Variants in HK1 observed in about 807,000 individuals in gnomAD.
HK1 encodes hexokinase 1.
In HK1, 28 loss-of-function variants were observed where a neutral mutation model predicts 91.6. The ratio of observed to expected loss-of-function variants is 0.31; its 90% CI spans 0.23 to 0.42. HK1 has a LOEUF of 0.42. HK1 is among the 10% of genes least tolerant of loss of function. HK1 has a pLI of 1.00. For missense variants in HK1, 770 were observed against 1,219.8 expected (o/e 0.63, Z 5.49); for synonymous variants, 430 against 468.1 (o/e 0.92, Z 1.05).
At position 69,361,966 on chromosome 10, in the gene HK1, C is replaced by T. The variant is rs138643157; in HGVS notation, c.375+1921C>T. On this transcript the variant is annotated intron_variant, in intron 3 of 17. Coordinates refer to ENST00000359426, the MANE Select transcript of HK1 (RefSeq NM_000188.3). ...CCAAATAGCTGGAATTACAGGCATG[C>T]GCCACCACACCTGACTAATTTTGTA... is the stretch of plus-strand genomic sequence containing the variant. 5.3e-3 allele frequency among the ~76,000 whole-genome samples: 804 copies of T among 152,214 alleles called. 10 individuals are homozygous for T. Among genetic ancestry groups the T allele is most frequent in the African/African-American group, 0.018 (763 of 41,544 alleles).
chr10:69,279,237 C>T (rs980583769), intron 1 of HK1, among the ~76,000 whole-genome samples: 7 of 152,168 alleles, frequency 4.6e-5, no homozygotes, highest in Non-Finnish European at 8.8e-5. Context: ...CTGTCTCTTT[C>T]TAAAATGGGC....
At chr10:69,347,576 C>T (rs72807710) in intron 2 of HK1, among the ~76,000 whole-genome samples, 26,100 of 151,566 alleles carry the variant, frequency 0.17, 2,528 homozygotes, top group African/African-American at 0.24. Context: ...GCTGGGATTA[C>T]AAGTGCGCAC....
intron 9 of HK1, among the ~76,000 whole-genome samples, chr10:69,381,714 CA>C (rs1447752232): frequency 6.6e-6 from 1 of 152,052 alleles, no homozygotes; most frequent in Non-Finnish European, 1.5e-5. Context: ...CCACCATACC[CA>C]GCTAATTTTT....
intron 4 of HK1, among the ~76,000 whole-genome samples, chr10:69,299,596 A>G (rs1244926885): frequency 6.6e-6 from 1 of 150,772 alleles, no homozygotes; most frequent in Non-Finnish European, 1.5e-5. Flanking sequence ...CGAACTCCTG[A>G]CCTCGTGATT....
At chr10:69,289,427 T>C (rs969957602) in intron 3 of HK1, among the ~76,000 whole-genome samples, 6 of 151,008 alleles carry the variant, frequency 4.0e-5, no homozygotes, top group African/African-American at 1.5e-4. Flanking sequence ...TATATTGCCA[T>C]GTAAAAATGG....
At chr10:69,304,453 G>A (rs1268706565) in intron 5 of HK1, among the ~76,000 whole-genome samples, 3 of 151,942 alleles carry the variant, frequency 2.0e-5, no homozygotes, top group South Asian at 2.1e-4. Context: ...GATTACTGGC[G>A]CCCGCCACCA....
At chr10:69,285,816 T>C (rs1845002828) in intron 2 of HK1, among the ~76,000 whole-genome samples, 1 of 152,228 alleles carries the variant, frequency 6.6e-6, no homozygotes, top group Non-Finnish European at 1.5e-5. Flanking sequence ...ACATGACCTC[T>C]AGACCAAACA....
chr10:69,386,435 T>A lies in HK1; in HGVS notation c.1935+17T>A, dbSNP rs1554824391. On this transcript the variant is annotated intron_variant, in intron 13 of 17. Coordinates refer to ENST00000359426, the MANE Select transcript of HK1 (RefSeq NM_000188.3). ...AGGAGAGAGGTAACTATTAAAAGAA[T>A]GTTTTTTAAAATCTTTACTGTTTTA... The A allele has an allele frequency of 1.9e-6, 3 of 1,579,812 alleles. No individual in the cohort carries two copies. In the South Asian group the frequency reaches 3.3e-5, roughly 18 times the overall value.
At chr10:69,287,774 T>TA (rs1845098683) in intron 2 of HK1, among the ~76,000 whole-genome samples, 1 of 152,122 alleles carries the variant, frequency 6.6e-6, no homozygotes, top group African/African-American at 2.4e-5. Context: ...GCTCATTTTT[T>TA]AAAAAATCAC....
chr10:69,319,884 A>T (rs1846904804), intron 1 of HK1, among the ~76,000 whole-genome samples: 1 of 152,154 alleles, frequency 6.6e-6, no homozygotes, highest in Non-Finnish European at 1.5e-5. Context: ...AGCTGTAGGG[A>T]AAGACGCCCG....
chr10:69,286,127 G>C (rs1258490110), intron 2 of HK1, among the ~76,000 whole-genome samples: 4 of 152,200 alleles, frequency 2.6e-5, no homozygotes, highest in Non-Finnish European at 5.9e-5. Context: ...AGGCAAAAAT[G>C]TGTGTGGAAT....
chr10:69,378,807 G>A (rs1411061328), intron 8 of HK1, among the ~76,000 whole-genome samples: 1 of 152,158 alleles, frequency 6.6e-6, no homozygotes, highest in Admixed American at 6.5e-5. Context: ...AATTGGGAAA[G>A]TCCCACACTC....
intron 1 of HK1, among the ~76,000 whole-genome samples, chr10:69,272,654 GTTT>G (rs10716029): frequency 2.0e-5 from 3 of 146,810 alleles, no homozygotes; most frequent in Admixed American, 6.8e-5. Flanking sequence ...TTTTCTGCAA[GTTT>G]TTTTTTTTTT....
chr10:69,389,824 G>A (rs1219206712), intron 14 of HK1, among the ~76,000 whole-genome samples: 2 of 152,322 alleles, frequency 1.3e-5, no homozygotes, highest in East Asian at 3.9e-4. Flanking sequence ...GCCACTGAAG[G>A]GGGTTGCAGA....
At chr10:69,354,773 G>A (rs182254089) in intron 2 of HK1, among the ~76,000 whole-genome samples, 3 of 152,276 alleles carry the variant, frequency 2.0e-5, no homozygotes, top group South Asian at 2.1e-4. Flanking sequence ...ACTTGAGAAC[G>A]AAGATAGGAA....
intron 1 of HK1, among the ~76,000 whole-genome samples, chr10:69,341,744 C>G (rs1375996612): frequency 2.0e-5 from 3 of 151,972 alleles, no homozygotes; most frequent in African/African-American, 7.3e-5. Flanking sequence ...GTGTCAGCCA[C>G]CATGCCTGGC....
intron 3 of HK1, among the ~76,000 whole-genome samples, chr10:69,294,373 C>T (rs1158932062): frequency 1.3e-5 from 2 of 152,164 alleles, no homozygotes; most frequent in Non-Finnish European, 2.9e-5. Context: ...TTCATATGAG[C>T]TTTTCTCTTG....
intron 3 of HK1, among the ~76,000 whole-genome samples, chr10:69,363,132 TCTC>T (rs1215622288): frequency 1.3e-5 from 2 of 152,136 alleles, no homozygotes; most frequent in Admixed American, 1.3e-4. Flanking sequence ...ATGGTTTGGC[TCTC>T]CTAAGACAGC....
upstream of HK1, chr10:69,318,026 C>T: frequency 1.0e-6 from 1 of 985,082 alleles, no homozygotes; most frequent in Non-Finnish European, 1.2e-6. Flanking sequence ...TGCCCAAGAG[C>T]AAGAGGAGGC....
Sources: allele counts gnomAD v4.1 joint callset (sites outside exome capture counted in the v4.1 genomes callset), GRCh38; gene constraint gnomAD v4.1.1; transcripts MANE v1.5; gene names NCBI Gene and HGNC (gene_info 2026-07-23, HGNC 2026-07-21).